The following ASTN2 variants were observed in gnomAD, a reference collection of about 807,000 sequenced individuals.
ASTN2 encodes astrotactin 2.
A neutral mutation model predicts 139.8 loss-of-function variants in ASTN2; 54 were observed. That is an observed-to-expected ratio of 0.39 (90% CI 0.31 to 0.48). The LOEUF (loss-of-function observed/expected upper bound fraction) is 0.48. ASTN2 is among the 20% of genes least tolerant of loss of function. The probability of loss-of-function intolerance (pLI) is 0.95; values close to 1 mark genes in which losing one functional copy is unlikely to be tolerated. For missense variants in ASTN2, 1,565 were observed against 1,725.1 expected (o/e 0.91, Z 1.64); for synonymous variants, 756 against 719.5 (o/e 1.05, Z -0.81).
chr9:116,748,250 C>A (rs936603321), intron 13 of ASTN2, among the ~76,000 whole-genome samples: 4 of 152,102 alleles, frequency 2.6e-5, no homozygotes, highest in African/African-American at 9.7e-5. Flanking sequence ...CAAATTGAAA[C>A]CTAAAGATGG....
At chr9:117,080,232 T>C (rs1391322020) in intron 5 of ASTN2, among the ~76,000 whole-genome samples, 1 of 152,210 alleles carries the variant, frequency 6.6e-6, no homozygotes, top group Non-Finnish European at 1.5e-5. Context: ...TTGATTTGTT[T>C]GTCCTTAAAA....
At chr9:116,942,024 A>G (rs1041450622) in intron 10 of ASTN2, among the ~76,000 whole-genome samples, 2 of 151,602 alleles carry the variant, frequency 1.3e-5, no homozygotes, top group African/African-American at 4.8e-5. Context: ...AAGCTCTAAA[A>G]GTCTATAGAA....
chr9:117,213,014 C>T (rs1313957574), intron 3 of ASTN2, among the ~76,000 whole-genome samples: 1 of 152,036 alleles, frequency 6.6e-6, no homozygotes, highest in Non-Finnish European at 1.5e-5. Flanking sequence ...CCACAATAGT[C>T]AAGATATGGA....
intron 10 of ASTN2, among the ~76,000 whole-genome samples, chr9:116,865,504 G>A (rs1832992696): frequency 6.7e-6 from 1 of 149,686 alleles, no homozygotes; most frequent in African/African-American, 2.5e-5. Flanking sequence ...CTGATCTACA[G>A]TGCGGGTCTA....
intron 2 of ASTN2, among the ~76,000 whole-genome samples, chr9:117,256,922 G>A (rs1400559721): frequency 6.6e-6 from 1 of 151,990 alleles, no homozygotes; most frequent in Admixed American, 6.6e-5. Context: ...GACACAGATA[G>A]TCAGTTAAAA....
chr9:117,250,708 TGGTCTCATAAAGTCCAA>T (rs1441033179), intron 2 of ASTN2, among the ~76,000 whole-genome samples: 15 of 152,182 alleles, frequency 9.9e-5, no homozygotes, highest in Admixed American at 9.8e-4. Flanking sequence ...CTGGCTCCAT[TGGTCTCATAAAGTCCAA>T]GGTCTCATGA....
Position 116,975,228 on chromosome 9 carries a change from C to T in ASTN2, c.1869G>A (p.Thr623=), listed in dbSNP as rs751633983. 2.2e-5 allele frequency: 36 copies of T among 1,612,078 alleles called. No homozygotes were observed. The highest frequency in any genetic ancestry group is 4.4e-5 in the South Asian group (4 of 90,678). ...LASCKTDVLV[T]EDPADVREEA... The stretch of plus-strand genomic sequence containing the variant: ...CCTACCTGACATCTGCAGGGTCTTC[C>T]GTGACGAGCACATCGGTCTTGCAGC... Residue 623 remains threonine, a synonymous_variant, in exon 10 of 23, where the codon ACG becomes ACA. Transcript: ENST00000313400.
At chr9:117,063,504 T>C (rs999635111) in intron 5 of ASTN2, among the ~76,000 whole-genome samples, 1 of 152,238 alleles carries the variant, frequency 6.6e-6, no homozygotes, top group African/African-American at 2.4e-5. Flanking sequence ...ATATAAGACG[T>C]GCCTTTCACC....
At chr9:117,285,877 T>C (rs1489138760) in intron 2 of ASTN2, among the ~76,000 whole-genome samples, 1 of 152,186 alleles carries the variant, frequency 6.6e-6, no homozygotes, top group Non-Finnish European at 1.5e-5. Context: ...GAGAGAAACA[T>C]GCCCTCAAAA....
intron 10 of ASTN2, among the ~76,000 whole-genome samples, chr9:116,921,838 C>T (rs1834620732): frequency 6.6e-6 from 1 of 152,066 alleles, no homozygotes; most frequent in South Asian, 2.1e-4. Flanking sequence ...GGGGAAACCA[C>T]CCCCATTATC....
At chr9:116,554,800 A>G (rs1161629150) in intron 19 of ASTN2, among the ~76,000 whole-genome samples, 1 of 152,164 alleles carries the variant, frequency 6.6e-6, no homozygotes, top group Non-Finnish European at 1.5e-5. Flanking sequence ...GAAATCATTG[A>G]TTTTAACCAA....
chr9:116,511,472 G>A (rs995251762), intron 19 of ASTN2, among the ~76,000 whole-genome samples: 1 of 152,078 alleles, frequency 6.6e-6, no homozygotes, highest in African/African-American at 2.4e-5. Flanking sequence ...ATCATTTTTT[G>A]TTGTGTCTCT....
At position 116,424,563 on chromosome 9, in the gene ASTN2, C is replaced by T. The variant is rs532755469; in HGVS notation, c.*1288G>A. Among the ~76,000 whole-genome samples, 7 of 150,630 alleles carry T rather than the reference C, an allele frequency of 4.6e-5. 1 individual carries two copies. The South Asian group carries it at 8.5e-4, about 18-fold the overall frequency. ...TGTCTCTTGTCTCTGGGCTTTTGTTCATATCTCTTCTTCCTGGAGCAAATT... is the reference window on the plus strand; with the variant it reads ...TGTCTCTTGTCTCTGGGCTTTTGTTTATATCTCTTCTTCCTGGAGCAAATT... On this transcript the variant is annotated 3_prime_UTR_variant, in exon 23 of 23. Coordinates refer to ENST00000313400, the MANE Select transcript of ASTN2 (RefSeq NM_001365068.1).
At chr9:117,167,578 T>C (rs1830697932) in intron 3 of ASTN2, among the ~76,000 whole-genome samples, 1 of 152,078 alleles carries the variant, frequency 6.6e-6, no homozygotes, top group Non-Finnish European at 1.5e-5. Flanking sequence ...GTTGGAAATA[T>C]TGGCTGAAAA....
At chr9:117,137,728 T>C (rs547292732) in intron 4 of ASTN2, among the ~76,000 whole-genome samples, 2 of 152,012 alleles carry the variant, frequency 1.3e-5, no homozygotes, top group Non-Finnish European at 2.9e-5. Flanking sequence ...TTTTTAATCA[T>C]GAAATTCTTT....
At chr9:116,638,185 G>A (rs1367126883) in intron 17 of ASTN2, among the ~76,000 whole-genome samples, 1 of 152,178 alleles carries the variant, frequency 6.6e-6, no homozygotes, top group African/African-American at 2.4e-5. Context: ...GGAGGAATAA[G>A]AGGAAAAGCA....
intron 6 of ASTN2, among the ~76,000 whole-genome samples, chr9:117,033,160 A>C (rs970695421): frequency 6.6e-6 from 1 of 152,118 alleles, no homozygotes; most frequent in Non-Finnish European, 1.5e-5. Context: ...TAAAAAATTA[A>C]GTGGTTTTAA....
intron 17 of ASTN2, among the ~76,000 whole-genome samples, chr9:116,624,279 G>A (rs1266290230): frequency 6.6e-6 from 1 of 152,108 alleles, no homozygotes; most frequent in Non-Finnish European, 1.5e-5. Flanking sequence ...TCCAAATGAG[G>A]GGGTAGAAGA....
chr9:117,350,560 A>T (rs1200024892), intron 1 of ASTN2, among the ~76,000 whole-genome samples: 1 of 151,884 alleles, frequency 6.6e-6, no homozygotes, highest in African/African-American at 2.4e-5. Flanking sequence ...TCTTAAAAAA[A>T]AAAAGGAAAG....
Sources: gnomAD v4.1 joint callset for allele counts (sites outside exome capture counted in the v4.1 genomes callset) on GRCh38, gnomAD v4.1.1 for gene constraint, MANE v1.5 for transcripts, NCBI Gene and HGNC (gene_info 2026-07-23, HGNC 2026-07-21) for gene names.